DENND5B: variants seen among roughly 807,000 people sequenced by gnomAD.
DENND5B encodes the protein DENN domain containing 5B.
In DENND5B, 34 loss-of-function variants were observed where a neutral mutation model predicts 140.6. The observed-to-expected ratio is 0.24, with a 90% CI of 0.18 to 0.32. The LOEUF is 0.32. DENND5B is among the 10% of genes least tolerant of loss of function. The pLI is 1.00. For missense variants in DENND5B, 1,142 were observed against 1,560.2 expected, an observed-to-expected ratio of 0.73 and a Z score of 4.52; for synonymous variants, 551 against 562.1, an observed-to-expected ratio of 0.98 and a Z score of 0.28.
intron 1 of DENND5B, among the ~76,000 whole-genome samples, chr12:31,521,050 T>C (rs1316452774): frequency 1.3e-5 from 2 of 152,080 alleles, no homozygotes; most frequent in Non-Finnish European, 2.9e-5. Context: ...AAGTCACATG[T>C]GGCTAAGTGG....
chr12:31,540,717 A>G lies in DENND5B; in HGVS notation c.128-44798T>C, dbSNP rs1948657729. Reference sequence around the variant, plus strand: ...AGAAAAAAACAAACCTAAAATTTACATGGAACCACAAAAGACCCAGAATAG... The same window carrying G: ...AGAAAAAAACAAACCTAAAATTTACGTGGAACCACAAAAGACCCAGAATAG... On this transcript the variant is annotated intron_variant, in intron 1 of 20. Transcript: ENST00000389082. Among the ~76,000 whole-genome samples the G allele has an allele frequency of 4.6e-5, 7 of 151,636 alleles. No individual in the cohort carries two copies. The South Asian group carries it at 1.5e-3, about 32-fold the overall frequency.
chr12:31,589,600 C>A (rs914105562), intron 1 of DENND5B, among the ~76,000 whole-genome samples: 2 of 151,310 alleles, frequency 1.3e-5, no homozygotes, highest in Admixed American at 1.3e-4. Context: ...AGTCTCCCCA[C>A]CCCCACCAAA....
chr12:31,415,262 A>G, intron 12 of DENND5B, 105 bp downstream of exon 12: 1 of 837,944 alleles, frequency 1.2e-6, no homozygotes. Flanking sequence ...AGAATACATA[A>G]GCCAAAAATA....
At chr12:31,398,411 G>C (rs1941602425) in intron 16 of DENND5B, 49 bp from the exon 17 acceptor site, 2 of 1,498,496 alleles carry the variant, frequency 1.3e-6, no homozygotes, top group Non-Finnish European at 1.8e-6. Flanking sequence ...TTTGAGACAG[G>C]GTTCCCGCTC....
intron 5 of DENND5B, among the ~76,000 whole-genome samples, chr12:31,448,359 T>A (rs1385579741): frequency 1.3e-5 from 2 of 152,024 alleles, no homozygotes; most frequent in Non-Finnish European, 2.9e-5. Flanking sequence ...ATGGTCTCGA[T>A]CTCCTGACCT....
rs896326053 is a variant in DENND5B, at chr12:31,383,421, A to G, written c.*4182T>C. On this transcript the variant is annotated 3_prime_UTR_variant, in exon 21 of 21. Coordinates refer to ENST00000389082, the MANE Select transcript of DENND5B (RefSeq NM_144973.4). ...CAGTGCTTTATTGCCAAAAAAGGAA[A>G]TATGAGCAGTTCAGTATTTCCCCCA... 1 of 152,234 alleles carries G rather than the reference A, an allele frequency of 6.6e-6. No homozygotes were observed. The highest frequency in any genetic ancestry group is 2.4e-5 in the African/African-American group (1 of 41,472). 9.4% of individuals were successfully genotyped at this position (152,234 alleles called of 1,614,324 possible).
intron 17 of DENND5B, among the ~76,000 whole-genome samples, chr12:31,393,659 C>T (rs1326112255): frequency 6.6e-6 from 1 of 152,126 alleles, no homozygotes; most frequent in African/African-American, 2.4e-5. Context: ...TCTCTGAATT[C>T]ATACTGCTCA....
At chr12:31,590,469 T>G in intron 1 of DENND5B, 1 of 399,412 alleles carries the variant, frequency 2.5e-6, no homozygotes, top group Non-Finnish European at 4.2e-6. Flanking sequence ...CCGCGCCTGT[T>G]ATTAATAACC....
In DENND5B at chr12:31,387,435, A is replaced by G. The variant is rs1940900482; in HGVS notation, c.*168T>C. ...TATTTTATACTAAATTCCAGGTTCA[A>G]ATGAACTACAATACAACATTTTGCC... On this transcript the variant is annotated 3_prime_UTR_variant, in exon 21 of 21. Coordinates refer to ENST00000389082, the MANE Select transcript of DENND5B (RefSeq NM_144973.4). 1 of 594,104 alleles carries G rather than the reference A, an allele frequency of 1.7e-6. No individual in the cohort carries two copies. The allele number at this position is 594,104 out of a possible 1,614,324, so 36.8% of individuals were successfully genotyped here.
chr12:31,513,244 A>T (rs1471108678), intron 1 of DENND5B, among the ~76,000 whole-genome samples: 1 of 152,244 alleles, frequency 6.6e-6, no homozygotes, highest in Non-Finnish European at 1.5e-5. Flanking sequence ...TGTCAATATG[A>T]CATCACAGTT....
intron 1 of DENND5B, among the ~76,000 whole-genome samples, chr12:31,517,934 G>A (rs1161376567): frequency 6.6e-6 from 1 of 152,216 alleles, no homozygotes; most frequent in African/African-American, 2.4e-5. Context: ...CTGCAGCTAT[G>A]TACTCTTGCC....
At chr12:31,412,326 CG>C (rs1465707052) in intron 13 of DENND5B, among the ~76,000 whole-genome samples, 7 of 152,294 alleles carry the variant, frequency 4.6e-5, no homozygotes, top group African/African-American at 1.7e-4. Flanking sequence ...ACTGGTTTCC[CG>C]GCTCTAAACC....
chr12:31,421,005 A>G (rs1942993873), intron 11 of DENND5B, among the ~76,000 whole-genome samples: 1 of 152,156 alleles, frequency 6.6e-6, no homozygotes, highest in Non-Finnish European at 1.5e-5. Flanking sequence ...TAGTCTCATC[A>G]TGATTCAGTG....
chr12:31,584,278 T>C (rs183867018), intron 1 of DENND5B, among the ~76,000 whole-genome samples: 1 of 152,200 alleles, frequency 6.6e-6, no homozygotes, highest in African/African-American at 2.4e-5. Flanking sequence ...TGTCTCACCC[T>C]CTTCCCCTCC....
At chr12:31,452,689 T>C (rs1164547752) in intron 4 of DENND5B, among the ~76,000 whole-genome samples, 1 of 152,118 alleles carries the variant, frequency 6.6e-6, no homozygotes, top group African/African-American at 2.4e-5. Flanking sequence ...TTGCCAACTA[T>C]TACAAACAAA....
At chr12:31,476,286 G>A (rs913620560) in intron 3 of DENND5B, among the ~76,000 whole-genome samples, 1 of 151,378 alleles carries the variant, frequency 6.6e-6, no homozygotes, top group Non-Finnish European at 1.5e-5. Context: ...ATTTAAAAAG[G>A]TTTTATGTTA....
rs554972957 is a variant in DENND5B at position 31,530,286 on chromosome 12, T to A, written c.128-34367A>T. Among the ~76,000 whole-genome samples, 20 of 152,258 alleles carry A rather than the reference T, an allele frequency of 1.3e-4. No individual in the cohort carries two copies. In the South Asian group the frequency reaches 3.9e-3, roughly 30 times the overall value. ...TACTTGGGAGGCTGACGCAGGAGAA[T>A]GGCTTGAACCCAGGAGGTGGAGGTT... On this transcript the variant is annotated intron_variant, in intron 1 of 20. Transcript: ENST00000389082.
rs549201840 is a variant in DENND5B at position 31,397,782 on chromosome 12, G to C, written c.3256+393C>G. On this transcript the variant is annotated intron_variant, in intron 17 of 20. Transcript: ENST00000389082. ...CTATAAAAAATACAAAAATTAGCCAGGTGTGATGTTGTGTGCCTGTAGTCC... is the reference window on the plus strand; with the variant it reads ...CTATAAAAAATACAAAAATTAGCCACGTGTGATGTTGTGTGCCTGTAGTCC... 3.4e-3 allele frequency among the ~76,000 whole-genome samples: 509 copies of C among 149,314 alleles called. 5 individuals are homozygous for C. The highest frequency in any genetic ancestry group is 0.011 in the African/African-American group (456 of 41,048).
At chr12:31,461,270 A>C (rs532373048) in intron 3 of DENND5B, among the ~76,000 whole-genome samples, 1 of 152,318 alleles carries the variant, frequency 6.6e-6, no homozygotes, top group South Asian at 2.1e-4. Context: ...GAAGTCAAAC[A>C]GATACATGCA....
Sources: gnomAD v4.1 joint callset for allele counts (sites outside exome capture counted in the v4.1 genomes callset) on GRCh38, gnomAD v4.1.1 for gene constraint, MANE v1.5 for transcripts, NCBI Gene and HGNC (gene_info 2026-07-23, HGNC 2026-07-21) for gene names.